Variants in PPIC observed in about 807,000 individuals in gnomAD.
PPIC encodes peptidyl-prolyl cis-trans isomerase C.
PPIC carries 19 observed loss-of-function variants against 19.5 expected under a neutral mutation model. That is an observed-to-expected ratio of 0.98 (90% confidence interval 0.68 to 1.43). The LOEUF (loss-of-function observed/expected upper bound fraction) is 1.43, where lower values mean the gene tolerates loss of function less well. Ranked by LOEUF, PPIC falls within the 40% of genes most tolerant of loss-of-function variation. The pLI is 0.00. For missense variants in PPIC, 268 were observed against 268.6 expected (o/e 1.00, Z 0.02); for synonymous variants, 107 against 101.2 (o/e 1.06, Z -0.34).
chr5:123,036,456 C>T lies in PPIC; in HGVS notation c.117+53G>A. On this transcript the variant is annotated intron_variant, in intron 1 of 4. Coordinates refer to ENST00000306442, the MANE Select transcript of PPIC (RefSeq NM_000943.5). The surrounding 1 kb of genome is among the most constrained non-coding windows in gnomAD (Gnocchi z 4.5). ...ACCGAGGTCCCAGTATCCAAAGCGC[C>T]CCCAGGGCCCCGCCCGCAACAGGGG... 1.3e-6 allele frequency: 2 copies of T among 1,518,936 alleles called. No homozygotes were observed. Among genetic ancestry groups the T allele is most frequent in the Non-Finnish European group, 1.8e-6 (2 of 1,108,352 alleles). The allele number at this position is 1,518,936 out of a possible 1,614,324, so 94.1% of individuals were successfully genotyped here. A position where few individuals can be genotyped will look rare whatever the true frequency, so the allele number is the denominator to read the frequency against.
At chr5:123,032,768 T>C (rs562800474) in intron 1 of PPIC, among the ~76,000 whole-genome samples, 28 of 152,236 alleles carry the variant, frequency 1.8e-4, no homozygotes, top group African/African-American at 6.3e-4. Flanking sequence ...CAAGTACAGA[T>C]AAGGTGTCAT....
chr5:123,024,735 A>G (rs1652405301), intron 4 of PPIC, among the ~76,000 whole-genome samples: 1 of 152,254 alleles, frequency 6.6e-6, no homozygotes, highest in South Asian at 2.1e-4. Context: ...GTAGTTGTGA[A>G]GGAACTGCAG....
At chr5:123,029,198 A>G in intron 2 of PPIC, 107 bp downstream of exon 2, 1 of 1,576,304 alleles carries the variant, frequency 6.3e-7, no homozygotes, top group Non-Finnish European at 8.6e-7. Flanking sequence ...AAATGTGGTA[A>G]GGTTCATCTG....
intron 1 of PPIC, among the ~76,000 whole-genome samples, chr5:123,035,474 C>A (rs1045372154): frequency 2.0e-5 from 3 of 152,116 alleles, no homozygotes; most frequent in African/African-American, 7.2e-5. Context: ...GGCCTTTCTG[C>A]GACATCAGAT....
Position 123,036,590 on chromosome 5 carries a change from C to G in PPIC, c.36G>C (p.Val12=). 1 of 1,597,716 alleles carries G rather than the reference C, an allele frequency of 6.3e-7. No individual in the cohort carries two copies. The highest frequency in any genetic ancestry group is 2.3e-5 in the East Asian group (1 of 44,262). Residue 12 remains valine (V), a synonymous_variant, in exon 1 of 5, where the codon GTG becomes GTC. Transcript: ENST00000306442. This position sits in a 1 kb window ranked among gnomAD's most constrained non-coding sequence, Gnocchi z 4.5. ...CAAGTGCGCCGAGCCCCACGCAAAG[C>G]ACGAGAGGTAGCAGCAGCCGAGGAC... The part of the protein sequence containing the change: ...GPGPRLLLPL[V]LCVGLGALVF...
intron 3 of PPIC, 113 bp from the exon 4 acceptor site, chr5:123,026,081 T>G: frequency 3.4e-6 from 3 of 889,620 alleles, no homozygotes; most frequent in Non-Finnish European, 3.3e-6. Flanking sequence ...GAGGTAGGGA[T>G]GGGGAAGACA....
At chr5:123,027,884 C>T (rs891675755) in intron 3 of PPIC, among the ~76,000 whole-genome samples, 1 of 152,024 alleles carries the variant, frequency 6.6e-6, no homozygotes, top group African/African-American at 2.4e-5. Flanking sequence ...TAAGAGAAAA[C>T]AGTGTATGGA....
chr5:123,026,949 C>G (rs987681835), intron 3 of PPIC, among the ~76,000 whole-genome samples: 1 of 152,132 alleles, frequency 6.6e-6, no homozygotes, highest in Non-Finnish European at 1.5e-5. Context: ...AATCCCAGCA[C>G]TTTGGGAGGC....
rs1422166307 is a variant in PPIC at position 123,024,108 on chromosome 5, A to AGGCT, written c.511-106_511-105insAGCC. ...CAAAAGCCCAAGTGGGAAGGAAATA[A>AGGCT]GGTTGGTTGGTTGGTTGGTTTTTTA... is the stretch of plus-strand genomic sequence containing the variant. On this transcript the variant is annotated intron_variant, in intron 4 of 4. Transcript: ENST00000306442. 1.9e-5 allele frequency: 27 copies of AGGCT among 1,418,836 alleles called. No homozygotes were observed. The East Asian group carries it at 6.2e-4, about 32-fold the overall frequency. The allele number at this position is 1,418,836 out of a possible 1,614,324, so 87.9% of individuals were successfully genotyped here. A position where few individuals can be genotyped will look rare whatever the true frequency, so the allele number is the denominator to read the frequency against.
intron 2 of PPIC, chr5:123,029,089 C>A (rs900087528): frequency 2.1e-6 from 2 of 940,154 alleles, no homozygotes; most frequent in Non-Finnish European, 3.1e-6. Flanking sequence ...TAAAAGAGAG[C>A]AAACCATATT....
intron 1 of PPIC, among the ~76,000 whole-genome samples, chr5:123,030,139 A>G (rs982564288): frequency 2.6e-5 from 4 of 152,212 alleles, no homozygotes; most frequent in Non-Finnish European, 5.9e-5. Context: ...AAGTTACCCA[A>G]GTAGAATTTG....
intron 3 of PPIC, 98 bp from the exon 4 acceptor site, chr5:123,026,066 T>G (rs1284574261): frequency 2.9e-6 from 3 of 1,042,302 alleles, no homozygotes; most frequent in African/African-American, 1.6e-5. Context: ...ACTAGAACCC[T>G]ATAGGAGGTA....
Position 123,036,551 on chromosome 5 carries a change from C to G in PPIC, c.75G>C (p.Gly25=). The change falls in exon 1 of 5, where the codon GGG becomes GGC. Residue 25 remains glycine, a synonymous_variant. Transcript: ENST00000306442. The surrounding 1 kb of genome is among the most constrained non-coding windows in gnomAD (Gnocchi z 4.5). ...VGLGALVFSS[G]AEGFRKRGPS... ...GGCCTCGCTTGCGGAAGCCCTCGGC[C>G]CCCGAAGAAAACACAAGTGCGCCGA... 1.2e-6 allele frequency: 2 copies of G among 1,604,804 alleles called. No individual in the cohort carries two copies. Among genetic ancestry groups the G allele is most frequent in the Non-Finnish European group, 1.7e-6 (2 of 1,177,070 alleles).
chr5:123,033,276 A>T (rs1762965650), intron 1 of PPIC, among the ~76,000 whole-genome samples: 1 of 152,218 alleles, frequency 6.6e-6, no homozygotes, highest in African/African-American at 2.4e-5. Flanking sequence ...ACCTGCTGCT[A>T]TGGTTTGGAT....
rs1762800207 is a variant in PPIC at position 123,023,756 on chromosome 5, G to C, written c.*119C>G. The C allele has an allele frequency of 7.3e-7, 1 of 1,370,482 alleles. No individual in the cohort carries two copies. The highest frequency in any genetic ancestry group is 1.5e-5 in the African/African-American group (1 of 65,290). 84.9% of individuals were successfully genotyped at this position (1,370,482 alleles called of 1,614,324 possible). The stretch of plus-strand genomic sequence containing the variant: ...TATAACTTTCCTGTGATCTGGGATA[G>C]AATACAAAAAGAAAGTAAAAAAAAA... On this transcript the variant is annotated 3_prime_UTR_variant, in exon 5 of 5. Coordinates refer to ENST00000306442, the MANE Select transcript of PPIC (RefSeq NM_000943.5).
intron 4 of PPIC, 132 bp from the exon 5 acceptor site, chr5:123,024,135 GA>G: frequency 2.1e-6 from 1 of 472,742 alleles, no homozygotes; most frequent in Non-Finnish European, 3.1e-6. Context: ...GGTTTTTTAT[GA>G]CTACTAAGCG....
In PPIC at chr5:123,025,840, T is replaced by C; in HGVS notation, c.454A>G (p.Lys152Glu). ...NGSQFFITLT[K>E]PTWLDGKHVV... Reference sequence around the variant, plus strand: ...TGTTTGCCGTCCAACCAGGTGGGCTTGGTCAAGGTGATAAAGAACTGAGAG... The same window carrying C: ...TGTTTGCCGTCCAACCAGGTGGGCTCGGTCAAGGTGATAAAGAACTGAGAG... The change falls in exon 4 of 5, where the codon AAG becomes GAG. Residue 152 changes from lysine to glutamate, a missense_variant. Physicochemically the swap from Lys to Glu is moderately conservative, Grantham distance 56. Coordinates refer to ENST00000306442, the MANE Select transcript of PPIC (RefSeq NM_000943.5). 3.1e-6 allele frequency: 5 copies of C among 1,614,160 alleles called. No individual in the cohort carries two copies. The highest frequency in any genetic ancestry group is 4.2e-6 in the Non-Finnish European group (5 of 1,180,028).
chr5:123,024,039 G>T (rs1762813460), intron 4 of PPIC, 36 bp from the exon 5 acceptor site: 1 of 1,592,988 alleles, frequency 6.3e-7, no homozygotes, highest in African/African-American at 1.3e-5. Flanking sequence ...GTTTAATTCT[G>T]ACCAGCAGCT....
chr5:123,036,642 G>A lies in PPIC; in HGVS notation c.-17C>T. 1 of 1,560,690 alleles carries A rather than the reference G, an allele frequency of 6.4e-7. No homozygotes were observed. Among genetic ancestry groups the A allele is most frequent in the Non-Finnish European group, 8.7e-7 (1 of 1,152,672 alleles). ...CGGGCCCATGGTGAGCGGTGGCAGC[G>A]GCGCTACCGGCACGGGCGCTACCGG... is the stretch of plus-strand genomic sequence containing the variant. On this transcript the variant is annotated 5_prime_UTR_variant, in exon 1 of 5. Coordinates refer to ENST00000306442, the MANE Select transcript of PPIC (RefSeq NM_000943.5). The surrounding 1 kb of genome is among the most constrained non-coding windows in gnomAD (Gnocchi z 4.5).
Sources: allele counts gnomAD v4.1 joint callset (sites outside exome capture counted in the v4.1 genomes callset), GRCh38; gene constraint gnomAD v4.1.1; non-coding constraint Gnocchi (gnomAD v3.1); transcripts MANE v1.5; gene names NCBI Gene and HGNC (gene_info 2026-07-23, HGNC 2026-07-21).